Variants in CFAP206 observed in about 807,000 individuals in gnomAD.
The protein encoded by CFAP206 is cilia and flagella associated protein 206.
Under a neutral mutation model 65.4 loss-of-function variants are expected in CFAP206, and 53 were observed. That is an observed-to-expected ratio of 0.81 (90% confidence interval 0.65 to 1.02). CFAP206 has a LOEUF of 1.02. Ranked by LOEUF, CFAP206 falls within the 50% of genes least tolerant of loss-of-function variation. The probability of loss-of-function intolerance (pLI) is 0.00; values close to 1 mark genes in which losing one functional copy is unlikely to be tolerated. For missense variants in CFAP206, 663 were observed against 753.2 expected (o/e 0.88, Z 1.40); for synonymous variants, 250 against 254.4 (o/e 0.98, Z 0.17).
In CFAP206 at chr6:87,464,284, A is replaced by G; in HGVS notation, c.*34A>G. 1 of 1,525,748 alleles carries G rather than the reference A, an allele frequency of 6.6e-7. No individual in the cohort carries two copies. The highest frequency in any genetic ancestry group is 9.0e-7 in the Non-Finnish European group (1 of 1,108,768). The allele number at this position is 1,525,748 out of a possible 1,614,324, so 94.5% of individuals were successfully genotyped here. ...AACGTTTTAAAATAGATGCTACTCAATTATGAACAATAGCAAGTACTTAAA... is the reference window on the plus strand; with the variant it reads ...AACGTTTTAAAATAGATGCTACTCAGTTATGAACAATAGCAAGTACTTAAA... On this transcript the variant is annotated 3_prime_UTR_variant, in exon 13 of 13. Coordinates refer to ENST00000369562, the MANE Select transcript of CFAP206 (RefSeq NM_001031743.3).
At chr6:87,413,140 T>C (rs531522712) in intron 3 of CFAP206, among the ~76,000 whole-genome samples, 1 of 152,354 alleles carries the variant, frequency 6.6e-6, no homozygotes, top group African/African-American at 2.4e-5. Context: ...ACTAGCCACC[T>C]GGCATGATGA....
intron 3 of CFAP206, among the ~76,000 whole-genome samples, chr6:87,412,617 G>T (rs905862861): frequency 1.3e-5 from 2 of 151,932 alleles, no homozygotes; most frequent in Non-Finnish European, 2.9e-5. Context: ...GAAGAGAGGG[G>T]GGTGGTTGCA....
At chr6:87,410,778 T>C (rs750681180) in intron 3 of CFAP206, 110 bp downstream of exon 3, 59 of 834,620 alleles carry the variant, frequency 7.1e-5, no homozygotes, top group Non-Finnish European at 1.1e-4. Flanking sequence ...GCCCACAAAA[T>C]AGTAGTATAC....
chr6:87,415,831 C>A lies in CFAP206; in HGVS notation c.429C>A (p.Gly143=). The change falls in exon 5 of 13, where the codon GGC becomes GGA. Residue 143 remains glycine (G), a synonymous_variant. Transcript: ENST00000369562. ...KIISYVLLRS[G]LGSPTDIKTV... is the part of the protein sequence containing the mutation. ...TCAGCTATGTGTTACTCCGCTCTGG[C>A]CTTGGATCCCCTACAGACATCAAGA... is the stretch of plus-strand genomic sequence containing the variant. The A allele has an allele frequency of 6.2e-7, 1 of 1,609,686 alleles. No homozygotes were observed. The highest frequency in any genetic ancestry group is 1.1e-5 in the South Asian group (1 of 89,952).
At chr6:87,456,223 C>T (rs567340963) in intron 11 of CFAP206, among the ~76,000 whole-genome samples, 1 of 152,184 alleles carries the variant, frequency 6.6e-6, no homozygotes, top group East Asian at 1.9e-4. Context: ...CAATGTGATA[C>T]ATCATGTCAG....
At chr6:87,419,983 A>T (rs1363454033) in intron 7 of CFAP206, among the ~76,000 whole-genome samples, 2 of 152,184 alleles carry the variant, frequency 1.3e-5, no homozygotes, top group African/African-American at 4.8e-5. Context: ...AGGCTAAGGT[A>T]GGAGAATTGC....
intron 3 of CFAP206, among the ~76,000 whole-genome samples, chr6:87,412,523 G>T (rs1275624996): frequency 6.6e-6 from 1 of 152,126 alleles, no homozygotes; most frequent in Non-Finnish European, 1.5e-5. Flanking sequence ...GGCAGAGAAG[G>T]GGAATGAGCC....
At chr6:87,417,024 T>C (rs376993206) in intron 6 of CFAP206, among the ~76,000 whole-genome samples, 197 bp downstream of exon 6, 1 of 152,232 alleles carries the variant, frequency 6.6e-6, no homozygotes, top group Non-Finnish European at 1.5e-5. Flanking sequence ...TTACATTTTA[T>C]GTACCATGAA....
intron 7 of CFAP206, among the ~76,000 whole-genome samples, chr6:87,420,930 T>G: frequency 6.6e-6 from 1 of 152,236 alleles, no homozygotes; most frequent in Non-Finnish European, 1.5e-5. Context: ...TGTTTTGTTT[T>G]GTTTTTAAAC....
At chr6:87,419,895 C>T (rs1767909356) in intron 7 of CFAP206, among the ~76,000 whole-genome samples, 1 of 152,140 alleles carries the variant, frequency 6.6e-6, no homozygotes, top group African/African-American at 2.4e-5. Flanking sequence ...GCCTGGGCAA[C>T]ATTACAAGAC....
intron 12 of CFAP206, 124 bp downstream of exon 12, chr6:87,461,289 AC>A: frequency 1.7e-6 from 1 of 573,844 alleles, no homozygotes; most frequent in Non-Finnish European, 2.7e-6. Context: ...TTCTTTGCTA[AC>A]AAAAATATAA....
At chr6:87,416,202 C>T (rs184067731) in intron 5 of CFAP206, among the ~76,000 whole-genome samples, 4 of 152,178 alleles carry the variant, frequency 2.6e-5, no homozygotes, top group South Asian at 2.1e-4. Context: ...AAGCTGAAAA[C>T]GGATATTTCA....
At chr6:87,423,427 C>T (rs6912442) in intron 7 of CFAP206, among the ~76,000 whole-genome samples, 54,465 of 150,890 alleles carry the variant, frequency 0.36, 11,118 homozygotes, top group African/African-American at 0.56. Flanking sequence ...TTTTTGTACT[C>T]TTAGTAGAGA....
chr6:87,430,973 T>G, intron 9 of CFAP206, 60 bp from the exon 10 acceptor site: 1 of 1,524,830 alleles, frequency 6.6e-7, no homozygotes, highest in Admixed American at 1.8e-5. Context: ...ACTGCTGATT[T>G]ATTTTGGAAA....
intron 11 of CFAP206, among the ~76,000 whole-genome samples, chr6:87,453,980 G>A (rs1267887031): frequency 6.6e-6 from 1 of 152,096 alleles, no homozygotes; most frequent in Non-Finnish European, 1.5e-5. Context: ...CCAATGATCT[G>A]TTGCCTACAA....
chr6:87,446,025 C>T (rs1768436057), intron 11 of CFAP206, among the ~76,000 whole-genome samples: 1 of 152,048 alleles, frequency 6.6e-6, no homozygotes, highest in South Asian at 2.1e-4. Context: ...TGTTCATGTC[C>T]TTTGCCCACT....
intron 11 of CFAP206, among the ~76,000 whole-genome samples, chr6:87,452,019 C>T (rs552037473): frequency 6.6e-6 from 1 of 152,198 alleles, no homozygotes; most frequent in East Asian, 1.9e-4. Context: ...AAACCCAGTA[C>T]TGTGCTGGCT....
chr6:87,461,724 T>TA, intron 12 of CFAP206, among the ~76,000 whole-genome samples: 1 of 19,780 alleles, frequency 5.1e-5, no homozygotes, highest in Non-Finnish European at 7.5e-5. Context: ...AAATAAAATA[T>TA]TTTGTCTGTA....
chr6:87,431,312 C>A, intron 10 of CFAP206, 139 bp downstream of exon 10: 2 of 833,544 alleles, frequency 2.4e-6, no homozygotes, highest in Non-Finnish European at 3.7e-6. Flanking sequence ...CAAAGATGAT[C>A]CAGACAAAGT....
Sources: allele counts gnomAD v4.1 joint callset (sites outside exome capture counted in the v4.1 genomes callset), GRCh38; gene constraint gnomAD v4.1.1; transcripts MANE v1.5; gene names NCBI Gene and HGNC (gene_info 2026-07-23, HGNC 2026-07-21).